Variants in TMEM237 observed in about 807,000 individuals in gnomAD.
TMEM237 encodes transmembrane protein 237.
In TMEM237, 51 loss-of-function variants were observed where a neutral mutation model predicts 59.1. The ratio of observed to expected loss-of-function variants is 0.86; its 90% confidence interval spans 0.69 to 1.09. TMEM237 has a LOEUF of 1.09. Ranked by LOEUF, TMEM237 falls within the 50% of genes least tolerant of loss-of-function variation. TMEM237 has a pLI of 0.00. For synonymous variants in TMEM237, 140 were observed against 166.1 expected, an observed-to-expected ratio of 0.84 and a Z score of 1.21; for missense variants, 475 against 478.3, an observed-to-expected ratio of 0.99 and a Z score of 0.06.
rs1040276382 is a variant in TMEM237, at chr2:201,620,958, A to T, written c.*3297T>A. 1 of 152,230 alleles carries T rather than the reference A, an allele frequency of 6.6e-6. No individual in the cohort carries two copies. Among genetic ancestry groups the T allele is most frequent in the African/African-American group, 2.4e-5 (1 of 41,456 alleles). 9.4% of individuals were successfully genotyped at this position (152,230 alleles called of 1,614,324 possible). A position where few individuals can be genotyped will look rare whatever the true frequency, so the allele number is the denominator to read the frequency against. On this transcript the variant is annotated 3_prime_UTR_variant, in exon 13 of 13. Coordinates refer to ENST00000409883, the MANE Select transcript of TMEM237 (RefSeq NM_001044385.3). ...CCTCACCTTGTGCTCCTCAGAGTAC[A>T]TGGCCCAATATCCCAAGGCCCTTAA...
intron 7 of TMEM237, among the ~76,000 whole-genome samples, chr2:201,631,709 G>C (rs192770442): frequency 6.6e-6 from 1 of 152,192 alleles, no homozygotes; most frequent in African/African-American, 2.4e-5. Context: ...TTTGTCCTAT[G>C]CATAGATCAA....
chr2:201,623,205 A>G lies in TMEM237; in HGVS notation c.*1050T>C. 2.4e-6 allele frequency: 1 copy of G among 416,780 alleles called. No individual in the cohort carries two copies. The highest frequency in any genetic ancestry group is 4.9e-6 in the Non-Finnish European group (1 of 205,006). 25.8% of individuals were successfully genotyped at this position (416,780 alleles called of 1,614,324 possible). A position where few individuals can be genotyped will look rare whatever the true frequency, so the allele number is the denominator to read the frequency against. On this transcript the variant is annotated 3_prime_UTR_variant, in exon 13 of 13. Transcript: ENST00000409883. The stretch of plus-strand genomic sequence containing the variant: ...TTCTATAACATTCAGGTGCTTGCTA[A>G]TCAGGGCAGGCTCAATAGTTTTATT...
chr2:201,627,258 G>T lies in TMEM237; in HGVS notation c.1037+63C>A, dbSNP rs113188365. On this transcript the variant is annotated intron_variant, in intron 11 of 12. Transcript: ENST00000409883. ...CATTATTTGCAGTTGAAAAAGAATGGAAGGATAAGAAAAGTTGCTGTTATT... is the reference window on the plus strand; with the variant it reads ...CATTATTTGCAGTTGAAAAAGAATGTAAGGATAAGAAAAGTTGCTGTTATT... 1,463 of 1,174,264 alleles carry T rather than the reference G, an allele frequency of 1.2e-3. 27 individuals are homozygous for T. In the African/African-American group the frequency reaches 0.019, roughly 15 times the overall value. The allele number at this position is 1,174,264 out of a possible 1,614,324, so 72.7% of individuals were successfully genotyped here. A position where few individuals can be genotyped will look rare whatever the true frequency, so the allele number is the denominator to read the frequency against.
chr2:201,643,289 CCCA>C lies in TMEM237; in HGVS notation c.42+67_42+69del. ...GCTCGTTGGCGCCCCCCCACACACACCCACCCCCACTGCCAAGTGTAGCTGTTT... is the reference window on the plus strand; with the variant it reads ...GCTCGTTGGCGCCCCCCCACACACACCCCCCACTGCCAAGTGTAGCTGTTT... On this transcript the variant is annotated intron_variant, in intron 1 of 12. Transcript: ENST00000409883. This position sits in a 1 kb window ranked among gnomAD's most constrained non-coding sequence, Gnocchi z 4.3. 3 of 1,433,664 alleles carry C rather than the reference CCCA, an allele frequency of 2.1e-6. No individual in the cohort carries two copies. The highest frequency in any genetic ancestry group is 2.5e-5 in the South Asian group (2 of 80,458). The allele number at this position is 1,433,664 out of a possible 1,614,324, so 88.8% of individuals were successfully genotyped here. A position where few individuals can be genotyped will look rare whatever the true frequency, so the allele number is the denominator to read the frequency against.
In TMEM237 at chr2:201,635,262, T is replaced by C. The variant is rs1285503395; in HGVS notation, c.274+1486A>G. Among the ~76,000 whole-genome samples the C allele has an allele frequency of 1.3e-5, 2 of 152,148 alleles. No homozygotes were observed. Among genetic ancestry groups the C allele is most frequent in the Non-Finnish European group, 2.9e-5 (2 of 68,032 alleles). On this transcript the variant is annotated intron_variant, in intron 5 of 12. Coordinates refer to ENST00000409883, the MANE Select transcript of TMEM237 (RefSeq NM_001044385.3). This position sits in a 1 kb window ranked among gnomAD's most constrained non-coding sequence, Gnocchi z 4.5. ...CATAATACCTGTGAGTGTAACCTTA[T>C]TTGGAAACAAGAGTCTTTGCAGATG...
At chr2:201,637,616 C>T (rs1208080) in intron 4 of TMEM237, among the ~76,000 whole-genome samples, 5,319 of 151,774 alleles carry the variant, frequency 0.035, 255 homozygotes, top group African/African-American at 0.11. Context: ...TAGTGGCATG[C>T]GCCTGTAGTC....
intron 5 of TMEM237, chr2:201,636,459 C>A: frequency 3.6e-6 from 1 of 281,358 alleles, no homozygotes; most frequent in South Asian, 6.2e-5. Context: ...CTGAAATGTC[C>A]ATTTCATCAT....
rs1246454811 is a variant in TMEM237, at chr2:201,628,153, G to C, written c.870-4C>G. Reference sequence around the variant, plus strand: ...TGATATTTTAGCAAAGTCAATCCTAGAAAATATAAAAGTTTCTTGTCACAG... The same window carrying C: ...TGATATTTTAGCAAAGTCAATCCTACAAAATATAAAAGTTTCTTGTCACAG... On this transcript the variant is annotated splice_polypyrimidine_tract_variant and splice_region_variant and intron_variant, in intron 9 of 12. Transcript: ENST00000409883. 6.3e-7 allele frequency: 1 copy of C among 1,593,328 alleles called. No individual in the cohort carries two copies. The highest frequency in any genetic ancestry group is 8.6e-7 in the Non-Finnish European group (1 of 1,168,764).
intron 12 of TMEM237, among the ~76,000 whole-genome samples, chr2:201,625,389 T>C (rs1312384935): frequency 6.6e-6 from 1 of 151,488 alleles, no homozygotes; most frequent in Admixed American, 6.6e-5. Flanking sequence ...AAAAAAAAGA[T>C]ATTCAAGGGT....
chr2:201,626,098 G>A lies in TMEM237; in HGVS notation c.1087C>T (p.Leu363Phe). ...QILQPWIVVNLVVALLVGLSW... is the reference protein window; with the variant it reads ...QILQPWIVVNFVVALLVGLSW... ...AATCCAACCAGAAGAGCCACCACGA[G>A]ATTCACCACAATCCATGGCTGGAGA... The change falls in exon 12 of 13, where the codon CTC (leucine) becomes TTC (phenylalanine). Residue 363 changes from leucine to phenylalanine, a missense_variant. Leu to Phe is a conservative substitution (Grantham distance 22). Coordinates refer to ENST00000409883, the MANE Select transcript of TMEM237 (RefSeq NM_001044385.3). 1.2e-6 allele frequency: 2 copies of A among 1,609,980 alleles called. No individual in the cohort carries two copies. The highest frequency in any genetic ancestry group is 1.7e-6 in the Non-Finnish European group (2 of 1,178,086).
Position 201,642,030 on chromosome 2 carries a change from T to C in TMEM237, c.43-1106A>G, listed in dbSNP as rs79909825. Among the ~76,000 whole-genome samples, 671 of 152,282 alleles carry C rather than the reference T, an allele frequency of 4.4e-3. 3 individuals are homozygous for C. Among genetic ancestry groups the C allele is most frequent in the African/African-American group, 0.014 (563 of 41,562 alleles). Reference sequence around the variant, plus strand: ...GGTTTTAAACCACATACTAACACAATTTTTAAAAAGGCCAGTTGCATACAC... The same window carrying C: ...GGTTTTAAACCACATACTAACACAACTTTTAAAAAGGCCAGTTGCATACAC... On this transcript the variant is annotated intron_variant, in intron 1 of 12. Transcript: ENST00000409883.
chr2:201,640,770 C>G (rs1687396700), intron 2 of TMEM237, 123 bp downstream of exon 2: 1 of 805,934 alleles, frequency 1.2e-6, no homozygotes, highest in Non-Finnish European at 1.9e-6. Context: ...CAGAAAATCC[C>G]TAAATTTTTC....
At chr2:201,630,958 T>C in intron 7 of TMEM237, 1 of 152,206 alleles carries the variant, frequency 6.6e-6, no homozygotes, top group Non-Finnish European at 1.5e-5. Context: ...GACTAACCTT[T>C]ATGTTTCAGA....
intron 6 of TMEM237, 52 bp from the exon 7 acceptor site, chr2:201,632,260 G>C (rs1957814658): frequency 1.3e-6 from 2 of 1,592,632 alleles, no homozygotes; most frequent in African/African-American, 2.7e-5. Context: ...ATTTTTTACA[G>C]ACTTACATAA....
chr2:201,628,285 T>C (rs990278513), intron 9 of TMEM237, 136 bp from the exon 10 acceptor site: 4 of 545,312 alleles, frequency 7.3e-6, no homozygotes, highest in African/African-American at 1.9e-5. Context: ...AGCTACAGTG[T>C]ATACTTAACA....
chr2:201,640,653 A>G (rs1280744281), intron 2 of TMEM237, among the ~76,000 whole-genome samples: 3 of 152,114 alleles, frequency 2.0e-5, no homozygotes, highest in Non-Finnish European at 4.4e-5. Flanking sequence ...ACAGTTAGAA[A>G]GGGAATGGAT....
At chr2:201,633,103 A>G (rs767272339) in intron 6 of TMEM237, among the ~76,000 whole-genome samples, 22 of 151,806 alleles carry the variant, frequency 1.4e-4, no homozygotes, top group Non-Finnish European at 2.7e-4. Flanking sequence ...TTTAAGTACA[A>G]TCTTAATTTT....
chr2:201,639,700 G>A (rs1276629123), intron 3 of TMEM237, among the ~76,000 whole-genome samples: 2 of 152,138 alleles, frequency 1.3e-5, no homozygotes, highest in African/African-American at 4.8e-5. Flanking sequence ...GGAGGCTGAG[G>A]CAGGAGAATG....
chr2:201,621,768 A>T lies in TMEM237; in HGVS notation c.*2487T>A, dbSNP rs1957710184. ...AAGTATTTTAAGTCAGTGAGTAATG[A>T]GAAACCATGATGCCCTACCAATTGG... On this transcript the variant is annotated 3_prime_UTR_variant, in exon 13 of 13. Transcript: ENST00000409883. 6.5e-6 allele frequency: 1 copy of T among 152,672 alleles called. No homozygotes were observed. The highest frequency in any genetic ancestry group is 1.5e-5 in the Non-Finnish European group (1 of 68,062). The allele number at this position is 152,672 out of a possible 1,614,324, so 9.5% of individuals were successfully genotyped here. A position where few individuals can be genotyped will look rare whatever the true frequency, so the allele number is the denominator to read the frequency against.
Sources: gnomAD v4.1 joint callset for allele counts (sites outside exome capture counted in the v4.1 genomes callset) on GRCh38, gnomAD v4.1.1 for gene constraint, Gnocchi (gnomAD v3.1) non-coding constraint, MANE v1.5 for transcripts, NCBI Gene and HGNC (gene_info 2026-07-23, HGNC 2026-07-21) for gene names.